Variants in ACBD3 observed in about 807,000 individuals in gnomAD.
ACBD3 encodes Golgi resident protein GCP60.
Under a neutral mutation model 66.9 loss-of-function variants are expected in ACBD3, and 30 were observed. The ratio of observed to expected loss-of-function variants is 0.45; its 90% CI spans 0.34 to 0.61. ACBD3 has a LOEUF of 0.61. Among genes scored for constraint, ACBD3 ranks in the 20% least tolerant of loss-of-function variants. ACBD3 has a pLI of 0.02. For missense variants in ACBD3, 544 were observed against 664.5 expected (o/e 0.82, Z 1.99); for synonymous variants, 278 against 259.8 (o/e 1.07, Z -0.68).
Position 226,161,202 on chromosome 1 carries a change from G to A in ACBD3, c.728+329C>T, listed in dbSNP as rs145327273. ...TACCCAGGCTGGAGTGCAATGGCGC[G>A]ATCTCGGCTCACTGCAACCTCCACC... On this transcript the variant is annotated intron_variant, in intron 4 of 7. Coordinates refer to ENST00000366812, the MANE Select transcript of ACBD3 (RefSeq NM_022735.4). 8.3e-4 allele frequency among the ~76,000 whole-genome samples: 121 copies of A among 145,586 alleles called. 3 individuals carry two copies. In the East Asian group the frequency reaches 0.021, roughly 25 times the overall value.
At chr1:226,160,530 A>C (rs1339695518) in intron 4 of ACBD3, among the ~76,000 whole-genome samples, 1 of 152,166 alleles carries the variant, frequency 6.6e-6, no homozygotes, top group African/African-American at 2.4e-5. Context: ...AACCTCCCCC[A>C]AAAAAGAGCT....
Position 226,159,492 on chromosome 1 carries a change from T to C in ACBD3, c.729-134A>G, listed in dbSNP as rs1349417024. On this transcript the variant is annotated intron_variant, in intron 4 of 7. Transcript: ENST00000366812. ...TAAGCTAGTAATGTACACCAATTAG[T>C]ATGTGTTCTGGGTCCAGAAGAAAGA... 32 of 745,152 alleles carry C rather than the reference T, an allele frequency of 4.3e-5. No individual in the cohort carries two copies. The Admixed American group carries it at 9.3e-4, about 22-fold the overall frequency. 46.2% of individuals were successfully genotyped at this position (745,152 alleles called of 1,614,324 possible).
At chr1:226,182,220 G>C (rs1035391122) in intron 1 of ACBD3, among the ~76,000 whole-genome samples, 27 of 146,938 alleles carry the variant, frequency 1.8e-4, no homozygotes, top group Non-Finnish European at 2.1e-4. Flanking sequence ...AACAAAACCA[G>C]ACTGTCTAAA....
intron 1 of ACBD3, among the ~76,000 whole-genome samples, chr1:226,178,574 CAAAA>C (rs57231361): frequency 3.6e-5 from 3 of 83,626 alleles, no homozygotes; most frequent in South Asian, 4.5e-4. Flanking sequence ...GACTCCGTCT[CAAAA>C]AAAAAAAAAA....
chr1:226,168,739 TACAAC>T (rs1659920147), intron 1 of ACBD3, among the ~76,000 whole-genome samples: 1 of 152,218 alleles, frequency 6.6e-6, no homozygotes, highest in Non-Finnish European at 1.5e-5. Flanking sequence ...ATATAGCACA[TACAAC>T]ACATAATACT....
At chr1:226,166,237 C>G (rs962608526) in intron 1 of ACBD3, among the ~76,000 whole-genome samples, 1 of 151,694 alleles carries the variant, frequency 6.6e-6, no homozygotes, top group Non-Finnish European at 1.5e-5. Context: ...CTCACTGAAG[C>G]CTTGACCTCC....
Position 226,145,272 on chromosome 1 carries a change from G to C in ACBD3, c.*1338C>G, listed in dbSNP as rs548541571. On this transcript the variant is annotated 3_prime_UTR_variant, in exon 8 of 8. Coordinates refer to ENST00000366812, the MANE Select transcript of ACBD3 (RefSeq NM_022735.4). Reference sequence around the variant, plus strand: ...CACAAAAAACTCAAACAACCCATATGTAGTGAACTGTATATACTGCAGTTA... The same window carrying C: ...CACAAAAAACTCAAACAACCCATATCTAGTGAACTGTATATACTGCAGTTA... The C allele has an allele frequency of 6.6e-6, 1 of 152,578 alleles. No homozygotes were observed. Among genetic ancestry groups the C allele is most frequent in the Non-Finnish European group, 1.5e-5 (1 of 68,028 alleles). 9.5% of individuals were successfully genotyped at this position (152,578 alleles called of 1,614,324 possible). A position where few individuals can be genotyped will look rare whatever the true frequency, so the allele number is the denominator to read the frequency against.
At chr1:226,149,962 TTC>T (rs1221038690) in intron 7 of ACBD3, among the ~76,000 whole-genome samples, 1 of 152,000 alleles carries the variant, frequency 6.6e-6, no homozygotes, top group Non-Finnish European at 1.5e-5. Context: ...ACAGAACAGG[TTC>T]TGATGTTGTT....
chr1:226,185,912 G>A (rs1370976979), intron 1 of ACBD3, among the ~76,000 whole-genome samples: 4 of 152,146 alleles, frequency 2.6e-5, no homozygotes, highest in Admixed American at 2.0e-4. Context: ...TGGTTCCCAA[G>A]AATGGCTGGA....
intron 1 of ACBD3, among the ~76,000 whole-genome samples, chr1:226,169,645 C>T (rs1161878729): frequency 2.1e-5 from 3 of 140,930 alleles, no homozygotes; most frequent in South Asian, 2.3e-4. Context: ...CTCCTGACCT[C>T]GTGATCGGCC....
rs1376035630 is a variant in ACBD3, at chr1:226,152,698, G to C, written c.1091-79C>G. ...TAGCCACATTTTCATAGCACTACCT[G>C]ATCAGTTGTACTCAGGCACCAAGTA... On this transcript the variant is annotated intron_variant, in intron 6 of 7. Transcript: ENST00000366812. The C allele has an allele frequency of 2.9e-6, 4 of 1,390,672 alleles. No individual in the cohort carries two copies. In the African/African-American group the frequency reaches 4.3e-5, roughly 15 times the overall value. The allele number at this position is 1,390,672 out of a possible 1,614,324, so 86.1% of individuals were successfully genotyped here.
At chr1:226,182,012 C>T (rs1222273422) in intron 1 of ACBD3, among the ~76,000 whole-genome samples, 2 of 151,954 alleles carry the variant, frequency 1.3e-5, no homozygotes, top group East Asian at 3.9e-4. Flanking sequence ...GGGTGAATCG[C>T]TTGAGCTCAG....
intron 1 of ACBD3, among the ~76,000 whole-genome samples, chr1:226,176,533 C>T (rs369423125): frequency 7.3e-5 from 11 of 151,230 alleles, no homozygotes; most frequent in African/African-American, 2.2e-4. Flanking sequence ...ACCTACAGAA[C>T]GGTAACAGTG....
intron 1 of ACBD3, among the ~76,000 whole-genome samples, chr1:226,177,188 C>T (rs992515997): frequency 7.5e-6 from 1 of 133,990 alleles, no homozygotes; most frequent in Non-Finnish European, 1.6e-5. Context: ...TTTTTTTAGA[C>T]GGAGTCTTGC....
Position 226,186,573 on chromosome 1 carries a change from GC to G in ACBD3, c.102del (p.Leu35CysfsTer76). ...EERPGAEGAP[L>X]LPPPLPPPSP... ...GAGGGCGGTGGCAGCGGTGGCGGCA[GC>G]AGCGGGGCGCCCTCCGCCCCAGGCC... On this transcript the variant is annotated frameshift_variant, in exon 1 of 8. Transcript: ENST00000366812. LOFTEE classifies it high-confidence loss of function. The G allele has an allele frequency of 7.3e-7, 1 of 1,366,740 alleles. No individual in the cohort carries two copies. 84.7% of individuals were successfully genotyped at this position (1,366,740 alleles called of 1,614,324 possible).
chr1:226,162,268 G>GAA (rs570558123), intron 3 of ACBD3, among the ~76,000 whole-genome samples: 14 of 141,070 alleles, frequency 9.9e-5, no homozygotes, highest in Non-Finnish European at 1.7e-4. Flanking sequence ...CTTGCTTAAT[G>GAA]AAAAAAAAAA....
intron 1 of ACBD3, 151 bp from the exon 2 acceptor site, chr1:226,166,151 C>T: frequency 5.2e-6 from 5 of 962,252 alleles, no homozygotes; most frequent in Non-Finnish European, 7.3e-6. Context: ...TCAATTACTA[C>T]TTTTAAAAAA....
intron 1 of ACBD3, among the ~76,000 whole-genome samples, chr1:226,171,031 G>A (rs1169430819): frequency 6.6e-6 from 1 of 152,122 alleles, no homozygotes; most frequent in East Asian, 1.9e-4. Flanking sequence ...AATCGCCCTA[G>A]GCTTCCAAAG....
intron 1 of ACBD3, among the ~76,000 whole-genome samples, chr1:226,183,475 C>A (rs950262279): frequency 6.6e-6 from 1 of 152,136 alleles, no homozygotes; most frequent in East Asian, 1.9e-4. Context: ...AGCTACCACA[C>A]CCGGCCGAAA....
Sources: allele counts gnomAD v4.1 joint callset (sites outside exome capture counted in the v4.1 genomes callset), GRCh38; gene constraint gnomAD v4.1.1; transcripts MANE v1.5; gene names NCBI Gene and HGNC (gene_info 2026-07-23, HGNC 2026-07-21).